The following DRC9 variants were observed in gnomAD, a reference collection of about 807,000 sequenced individuals.
DRC9 encodes dynein regulatory complex subunit 9.
the DRC9 span, among the ~76,000 whole-genome samples, chr3:197,925,203 G>A: frequency 7.4e-6 from 1 of 134,768 alleles, no homozygotes; most frequent in Non-Finnish European, 1.6e-5. Context: ...ATGACGATGG[G>A]ATGAGGTCAT....
chr3:197,932,267 TTAATGGTA>T, the DRC9 span: 1 of 1,612,378 alleles, frequency 6.2e-7, no homozygotes, highest in Non-Finnish European at 8.5e-7. Flanking sequence ...TTGCAACTCC[TTAATGGTA>T]TCTGCAATCA....
the DRC9 span, among the ~76,000 whole-genome samples, chr3:197,914,375 C>G: frequency 6.6e-6 from 1 of 152,202 alleles, no homozygotes; most frequent in African/African-American, 2.4e-5. Context: ...CCACCCAGGC[C>G]TCCAGCTGTG....
the DRC9 span, among the ~76,000 whole-genome samples, chr3:197,919,554 T>G: frequency 6.6e-6 from 1 of 152,200 alleles, no homozygotes; most frequent in Non-Finnish European, 1.5e-5. Context: ...GACCAAACAT[T>G]ACTTCCAAAT....
the DRC9 span, among the ~76,000 whole-genome samples, chr3:197,904,235 A>T: frequency 6.6e-6 from 1 of 151,888 alleles, no homozygotes; most frequent in South Asian, 2.1e-4. Flanking sequence ...AATCAAAACT[A>T]CGAGACATCA....
At chr3:197,922,661 G>A in the DRC9 span, among the ~76,000 whole-genome samples, 2 of 151,786 alleles carry the variant, frequency 1.3e-5, no homozygotes, top group Admixed American at 6.6e-5. Context: ...AGCCAAGATC[G>A]AGCTGCTGCA....
the DRC9 span, among the ~76,000 whole-genome samples, chr3:197,911,414 CA>C: frequency 6.6e-6 from 1 of 151,790 alleles, no homozygotes; most frequent in Admixed American, 6.6e-5. Context: ...GTTCTTTGGG[CA>C]AAGCTTTAAT....
At chr3:197,946,763 T>G in the DRC9 span, among the ~76,000 whole-genome samples, 2 of 152,314 alleles carry the variant, frequency 1.3e-5, no homozygotes, top group East Asian at 3.9e-4. Flanking sequence ...CCAAATGTCC[T>G]GATGCAGGGG....
At chr3:197,944,785 T>C in the DRC9 span, among the ~76,000 whole-genome samples, 1 of 150,808 alleles carries the variant, frequency 6.6e-6, no homozygotes, top group African/African-American at 2.4e-5. Flanking sequence ...TTCTCCATGT[T>C]GGTCAGACTG....
the DRC9 span, chr3:197,949,966 C>A: frequency 2.2e-6 from 1 of 463,276 alleles, no homozygotes; most frequent in Non-Finnish European, 3.5e-6. Flanking sequence ...GCGGATTTAG[C>A]TGGCTACCAT....
At chr3:197,894,990 G>A in the DRC9 span, among the ~76,000 whole-genome samples, 1 of 152,028 alleles carries the variant, frequency 6.6e-6, no homozygotes, top group Non-Finnish European at 1.5e-5. Flanking sequence ...CCCAGGATTT[G>A]AGGGTGCAGT....
At chr3:197,915,991 AT>A in the DRC9 span, among the ~76,000 whole-genome samples, 1 of 150,786 alleles carries the variant, frequency 6.6e-6, no homozygotes, top group African/African-American at 2.4e-5. Flanking sequence ...TATTAAAAAA[AT>A]TTTTTTGTTT....
chr3:197,889,616 A>T, the DRC9 span: 1 of 1,614,114 alleles, frequency 6.2e-7, no homozygotes, highest in South Asian at 1.1e-5. Context: ...CCTTGCCTTT[A>T]CCTTTGCCTT....
chr3:197,944,185 A>T, the DRC9 span: 2 of 793,712 alleles, frequency 2.5e-6, no homozygotes, highest in South Asian at 3.5e-5. Flanking sequence ...GATGAAAAAA[A>T]AGGAGGATTT....
At chr3:197,912,755 A>G in the DRC9 span, 5 of 1,610,692 alleles carry the variant, frequency 3.1e-6, no homozygotes, top group Non-Finnish European at 4.2e-6. Context: ...AGTTTCTGTA[A>G]GAACAATCAG....
the DRC9 span, chr3:197,913,368 G>GTGCGTGCGTGCGTGTGTGCGTGTGTT: frequency 3.9e-6 from 1 of 256,916 alleles, no homozygotes; most frequent in Non-Finnish European, 7.5e-6. Context: ...GTGCGTGTGT[G>GTGCGTGCGTGCGTGTGTGCGTGTGTT]CCATTTAGCA....
the DRC9 span, chr3:197,945,650 C>A: frequency 1.3e-6 from 2 of 1,577,934 alleles, no homozygotes; most frequent in Middle Eastern, 1.7e-4. Context: ...TCGTTACCCT[C>A]CGTGGTATAT....
chr3:197,925,687 G>C, the DRC9 span, among the ~76,000 whole-genome samples: 1,517 of 150,206 alleles, frequency 0.01, 17 homozygotes, highest in Non-Finnish European at 0.013. Context: ...GGGTTCAAGT[G>C]AGTCTCCTGC....
the DRC9 span, chr3:197,938,619 A>T: frequency 5.6e-6 from 9 of 1,614,028 alleles, no homozygotes; most frequent in South Asian, 9.9e-5. Context: ...TGAAGACAAG[A>T]TCCTGCATTT....
the DRC9 span, among the ~76,000 whole-genome samples, chr3:197,905,331 G>A: frequency 4.1e-3 from 619 of 152,130 alleles, 3 homozygotes; most frequent in African/African-American, 6.1e-3. Context: ...ATCAAAGTAC[G>A]TCATGCACTC....
Sources: allele counts gnomAD v4.1 joint callset (sites outside exome capture counted in the v4.1 genomes callset), GRCh38; gene constraint gnomAD v4.1.1; transcripts MANE v1.5; gene names NCBI Gene and HGNC (gene_info 2026-07-23, HGNC 2026-07-21).